CHN2: variants seen among roughly 807,000 people sequenced by gnomAD.
The protein encoded by CHN2 is beta-chimaerin.
CHN2 carries 35 observed loss-of-function variants against 56.3 expected under a neutral mutation model. That is an observed-to-expected ratio of 0.62 (90% CI 0.47 to 0.82). The LOEUF (loss-of-function observed/expected upper bound fraction) is 0.82, where lower values mean the gene tolerates loss of function less well. Among genes scored for constraint, CHN2 ranks in the 40% least tolerant of loss-of-function variants. CHN2 has a pLI of 0.00. For missense variants in CHN2, 491 were observed against 580.5 expected (o/e 0.85, Z 1.58); for synonymous variants, 210 against 212.8 (o/e 0.99, Z 0.12).
intron 3 of CHN2, among the ~76,000 whole-genome samples, chr7:29,387,684 T>C (rs1249833285): frequency 6.6e-6 from 1 of 152,246 alleles, no homozygotes; most frequent in Non-Finnish European, 1.5e-5. Flanking sequence ...CTCATATCTG[T>C]GTTCTCCTGA....
chr7:29,406,897 C>T (rs1291594376), intron 6 of CHN2, among the ~76,000 whole-genome samples: 9 of 152,154 alleles, frequency 5.9e-5, no homozygotes, highest in Non-Finnish European at 1.3e-4. Context: ...CTAACGCCCT[C>T]CACCTCACTC....
intron 2 of CHN2, among the ~76,000 whole-genome samples, chr7:29,357,005 A>G (rs900743653): frequency 6.6e-6 from 1 of 152,226 alleles, no homozygotes; most frequent in East Asian, 1.9e-4. Flanking sequence ...AAGCGAAAAG[A>G]TGGCATTGGC....
rs540178249 is a variant in CHN2, at chr7:29,159,279, G to A, written c.274+12319G>A. Among the ~76,000 whole-genome samples the A allele has an allele frequency of 2.6e-4, 39 of 152,298 alleles. 1 individual carries two copies. The highest frequency in any genetic ancestry group is 2.1e-4 in the South Asian group (1 of 4,828). On this transcript the variant is annotated intron_variant, in intron 2 of 6. Transcript: ENST00000439384. ...GGAAACTGAGCACAGAAGAGGTCAC[G>A]TGGTTTTCCACTATCCACAGCTGGT... is the stretch of plus-strand genomic sequence containing the variant.
chr7:29,254,353 T>C (rs117176264), intron 1 of CHN2, among the ~76,000 whole-genome samples: 11 of 152,228 alleles, frequency 7.2e-5, no homozygotes, highest in Admixed American at 6.5e-4. Flanking sequence ...CTAATGCTAG[T>C]CTATAAAGCT....
chr7:29,181,700 A>G (rs202179226), intron 2 of CHN2, among the ~76,000 whole-genome samples: 2 of 152,360 alleles, frequency 1.3e-5, no homozygotes, highest in East Asian at 3.9e-4. Flanking sequence ...TAAAAATTAC[A>G]CAATCTAGAA....
chr7:29,288,697 T>C (rs1252766226), intron 1 of CHN2, among the ~76,000 whole-genome samples: 2 of 152,082 alleles, frequency 1.3e-5, no homozygotes, highest in South Asian at 2.1e-4. Flanking sequence ...TGAAAACAAA[T>C]AGTAAACTAG....
At chr7:29,435,649 T>C (rs1359556479) in intron 6 of CHN2, among the ~76,000 whole-genome samples, 2 of 152,182 alleles carry the variant, frequency 1.3e-5, no homozygotes, top group Non-Finnish European at 2.9e-5. Flanking sequence ...ATTATAATCT[T>C]ATGGACCACC....
At chr7:29,304,730 C>T (rs1240347130) in intron 1 of CHN2, among the ~76,000 whole-genome samples, 1 of 152,192 alleles carries the variant, frequency 6.6e-6, no homozygotes, top group East Asian at 1.9e-4. Flanking sequence ...GTGCTATGTT[C>T]TAAATCTCGC....
chr7:29,368,504 C>G (rs1453879920), intron 3 of CHN2, among the ~76,000 whole-genome samples: 1 of 152,074 alleles, frequency 6.6e-6, no homozygotes, highest in Non-Finnish European at 1.5e-5. Flanking sequence ...GTGTGGGATG[C>G]CAGCAAGATT....
chr7:29,493,369 CATCATTAAGTG>C (rs1384257496), intron 7 of CHN2, among the ~76,000 whole-genome samples: 2 of 152,122 alleles, frequency 1.3e-5, no homozygotes, highest in Non-Finnish European at 2.9e-5. Flanking sequence ...AATGTAGCTC[CATCATTAAGTG>C]ATGCATGACC....
intron 6 of CHN2, among the ~76,000 whole-genome samples, chr7:29,415,282 C>A (rs1342125994): frequency 1.3e-5 from 2 of 152,162 alleles, no homozygotes; most frequent in Non-Finnish European, 2.9e-5. Context: ...CTGGCTGGCA[C>A]TTGGGGAGTC....
intron 4 of CHN2, among the ~76,000 whole-genome samples, chr7:29,396,459 CAAAAAAAAAAA>C (rs35163855): frequency 7.1e-5 from 4 of 56,508 alleles, no homozygotes; most frequent in African/African-American, 1.5e-4. Context: ...AGACTCTCTC[CAAAAAAAAAAA>C]AAAAAAAAAA....
At chr7:29,485,688 T>A (rs1787887974) in intron 7 of CHN2, among the ~76,000 whole-genome samples, 1 of 152,096 alleles carries the variant, frequency 6.6e-6, no homozygotes, top group East Asian at 1.9e-4. Flanking sequence ...GCGAATAAGG[T>A]GCAGGGGAGA....
chr7:29,378,920 G>A (rs1439797978), intron 3 of CHN2, among the ~76,000 whole-genome samples: 3 of 152,130 alleles, frequency 2.0e-5, no homozygotes, highest in South Asian at 2.1e-4. Context: ...AGCCGAGATC[G>A]CACCACTGCA....
chr7:29,394,286 G>A (rs751712190), intron 4 of CHN2, among the ~76,000 whole-genome samples: 13 of 152,118 alleles, frequency 8.5e-5, no homozygotes, highest in East Asian at 3.9e-4. Context: ...CAGCAAATAC[G>A]CATGACCATA....
chr7:29,266,058 G>A (rs1042592884), intron 1 of CHN2, among the ~76,000 whole-genome samples: 2 of 152,138 alleles, frequency 1.3e-5, no homozygotes, highest in African/African-American at 4.8e-5. Context: ...TATTAGTCCT[G>A]CCATTGGCAG....
chr7:29,480,481 T>A, intron 7 of CHN2, 125 bp downstream of exon 7: 1 of 1,036,930 alleles, frequency 9.6e-7, no homozygotes, highest in Non-Finnish European at 1.4e-6. Context: ...TTTCCACATT[T>A]AGCTATAAGC....
intron 6 of CHN2, among the ~76,000 whole-genome samples, chr7:29,413,128 ACAAT>A (rs1165096259): frequency 6.6e-6 from 1 of 152,222 alleles, no homozygotes; most frequent in Non-Finnish European, 1.5e-5. Flanking sequence ...CTCCTTATAC[ACAAT>A]CACTTTGAAG....
At chr7:29,413,370 C>T (rs976079602) in intron 6 of CHN2, among the ~76,000 whole-genome samples, 23 of 152,198 alleles carry the variant, frequency 1.5e-4, no homozygotes, top group Non-Finnish European at 2.4e-4. Flanking sequence ...GTGGGCTATG[C>T]GTGTCCCAAC....
Sources: gnomAD v4.1 joint callset for allele counts (sites outside exome capture counted in the v4.1 genomes callset) on GRCh38, gnomAD v4.1.1 for gene constraint, MANE v1.5 for transcripts, NCBI Gene and HGNC (gene_info 2026-07-23, HGNC 2026-07-21) for gene names.